NR4A3: variants seen among roughly 807,000 people sequenced by gnomAD.
NR4A3 encodes nuclear receptor subfamily 4 group A member 3.
A neutral mutation model predicts 55.6 loss-of-function variants in NR4A3; 13 were observed. The observed-to-expected ratio is 0.23, with a 90% confidence interval of 0.15 to 0.37. The LOEUF (loss-of-function observed/expected upper bound fraction) is 0.37. NR4A3 is among the 10% of genes least tolerant of loss of function. NR4A3 has a pLI of 1.00. For missense variants in NR4A3, 646 were observed against 822.8 expected (o/e 0.79, Z 2.63); for synonymous variants, 342 against 357.9 (o/e 0.96, Z 0.50).
At chr9:99,834,798 C>G (rs1040945629) in intron 5 of NR4A3, 1 of 985,246 alleles carries the variant, frequency 1.0e-6, no homozygotes, top group African/African-American at 1.7e-5. Flanking sequence ...CACCTGATAA[C>G]AAAACGTCAT....
intron 3 of NR4A3, among the ~76,000 whole-genome samples, chr9:99,829,550 C>T (rs1340986266): frequency 6.6e-6 from 1 of 152,188 alleles, no homozygotes; most frequent in East Asian, 1.9e-4. Context: ...TCAGCTGCCT[C>T]AGGACACACC....
chr9:99,830,895 A>G (rs535080316), intron 3 of NR4A3, among the ~76,000 whole-genome samples: 7 of 152,198 alleles, frequency 4.6e-5, no homozygotes, highest in Non-Finnish European at 7.3e-5. Flanking sequence ...GAGTCCAGAA[A>G]TGTCAATTAA....
intron 7 of NR4A3, among the ~76,000 whole-genome samples, chr9:99,855,103 G>A (rs1827907602): frequency 6.6e-6 from 1 of 150,672 alleles, no homozygotes; most frequent in Admixed American, 6.6e-5. Flanking sequence ...TTGTGAATGG[G>A]AGTTCACCCA....
At chr9:99,853,229 C>G (rs1827882822) in intron 7 of NR4A3, among the ~76,000 whole-genome samples, 1 of 151,936 alleles carries the variant, frequency 6.6e-6, no homozygotes, top group South Asian at 2.1e-4. Context: ...TTGTTTTACA[C>G]ACTTCCATGA....
chr9:99,835,498 C>T (rs1266171342), intron 5 of NR4A3, among the ~76,000 whole-genome samples: 1 of 152,174 alleles, frequency 6.6e-6, no homozygotes, highest in South Asian at 2.1e-4. Context: ...CCCAGAAGCA[C>T]CCTGGCCTCT....
Position 99,844,780 on chromosome 9 carries a change from C to T in NR4A3, c.1386C>T (p.Pro462=), listed in dbSNP as rs1192407404. ...AGATTCCGGGATTTACTGATCTCCC[C>T]AAAGAAGATCAGACATTACTTATTG... ...AEKIPGFTDL[P]KEDQTLLIES... The change falls in exon 6 of 8, where the codon CCC becomes CCT. Residue 462 remains proline, a synonymous_variant. Transcript: ENST00000395097. 6.2e-7 allele frequency: 1 copy of T among 1,613,854 alleles called. No homozygotes were observed. Among genetic ancestry groups the T allele is most frequent in the African/African-American group, 1.3e-5 (1 of 74,930 alleles).
intron 3 of NR4A3, among the ~76,000 whole-genome samples, chr9:99,831,430 A>C (rs77367186): frequency 1.3e-3 from 202 of 152,336 alleles, no homozygotes; most frequent in African/African-American, 4.7e-3. Context: ...TAGACTTGAC[A>C]TAGGTTGGCT....
At chr9:99,859,746 A>G (rs1034899037) in intron 7 of NR4A3, among the ~76,000 whole-genome samples, 3 of 152,194 alleles carry the variant, frequency 2.0e-5, no homozygotes, top group African/African-American at 7.2e-5. Context: ...AAGGTTCCAC[A>G]ATCAGCTCCC....
At chr9:99,850,483 G>A (rs1827828444) in intron 7 of NR4A3, among the ~76,000 whole-genome samples, 1 of 152,210 alleles carries the variant, frequency 6.6e-6, no homozygotes, top group South Asian at 2.1e-4. Flanking sequence ...GTAGAAATTA[G>A]TAGAAGGGTG....
chr9:99,827,534 A>G (rs1213665638), intron 2 of NR4A3, among the ~76,000 whole-genome samples: 1 of 151,230 alleles, frequency 6.6e-6, no homozygotes, highest in South Asian at 2.1e-4. Flanking sequence ...TAGAATGTCA[A>G]CTCTCTCCCT....
At chr9:99,843,082 G>T (rs1185958466) in intron 5 of NR4A3, among the ~76,000 whole-genome samples, 1 of 152,186 alleles carries the variant, frequency 6.6e-6, no homozygotes, top group Non-Finnish European at 1.5e-5. Context: ...GCTTGCAGCA[G>T]AAAAGTCTTT....
In NR4A3 at chr9:99,829,006, CGCCCCCTCCCCTCCGCACCCA is replaced by C; in HGVS notation, c.951+22_951+42del. The C allele has an allele frequency of 7.5e-7, 1 of 1,329,594 alleles. No individual in the cohort carries two copies. Among genetic ancestry groups the C allele is most frequent in the South Asian group, 2.0e-5 (1 of 50,588 alleles). The allele number at this position is 1,329,594 out of a possible 1,614,324, so 82.4% of individuals were successfully genotyped here. A position where few individuals can be genotyped will look rare whatever the true frequency, so the allele number is the denominator to read the frequency against. ...GGGCTTTTTCAAGGTGAGCGCACGC[CGCCCCCTCCCCTCCGCACCCA>C]GCCCCCTCACTGAAGGGAGCTTCTA... On this transcript the variant is annotated intron_variant, in intron 3 of 7. Coordinates refer to ENST00000395097, the MANE Select transcript of NR4A3 (RefSeq NM_006981.4).
intron 5 of NR4A3, among the ~76,000 whole-genome samples, chr9:99,838,073 T>C (rs975883118): frequency 6.6e-6 from 1 of 152,212 alleles, no homozygotes; most frequent in South Asian, 2.1e-4. Flanking sequence ...ATCAGTGCAG[T>C]CAAAACATGT....
chr9:99,828,329 A>C lies in NR4A3; in HGVS notation c.287A>C (p.His96Pro). 1 of 1,609,430 alleles carries C rather than the reference A, an allele frequency of 6.2e-7. No homozygotes were observed. The highest frequency in any genetic ancestry group is 2.2e-5 in the East Asian group (1 of 44,834). The change falls in exon 3 of 8, where the codon CAC (histidine) becomes CCC (proline). Residue 96 changes from histidine to proline, a missense_variant. By Grantham distance (77) the His-to-Pro change is moderately conservative. This residue lies in a region of NR4A3 where 426 missense variants were observed against 429.4 expected (regional missense o/e 0.99). Coordinates refer to ENST00000395097, the MANE Select transcript of NR4A3 (RefSeq NM_006981.4). The surrounding 1 kb of genome is among the most constrained non-coding windows in gnomAD (Gnocchi z 7.7). ...VEEGRAPSYH[H>P]HHHHHHHHHH... ...GAGGGGCGGGCGCCCAGCTACCATC[A>C]CCATCACCACCACCACCACCACCAC...
intron 7 of NR4A3, among the ~76,000 whole-genome samples, chr9:99,856,254 T>C (rs796261816): frequency 6.6e-6 from 1 of 151,398 alleles, no homozygotes; most frequent in African/African-American, 2.4e-5. Context: ...TAGTCCCATC[T>C]GGGGGTGATG....
In NR4A3 at chr9:99,863,630, G is replaced by T; in HGVS notation, c.1644G>T (p.Gly548=). The T allele has an allele frequency of 6.2e-7, 1 of 1,613,680 alleles. No individual in the cohort carries two copies. The highest frequency in any genetic ancestry group is 8.5e-7 in the Non-Finnish European group (1 of 1,179,860). ...SALSMITERH[G]LKEPKRVEEL... is the part of the protein sequence containing the mutation. ...TCTATCCCTCTGCAGAAAGACATGG[G>T]TTAAAAGAACCAAAGAGAGTCGAAG... Residue 548 remains glycine (G), a synonymous_variant, in exon 8 of 8, where the codon GGG becomes GGT. Transcript: ENST00000395097.
intron 5 of NR4A3, 162 bp downstream of exon 5, chr9:99,833,616 T>C: frequency 1.3e-6 from 2 of 1,598,406 alleles, no homozygotes; most frequent in Admixed American, 1.7e-5. Flanking sequence ...AGTGCATCCA[T>C]TGCAGCAAAT....
Position 99,828,906 on chromosome 9 carries a change from C to T in NR4A3, c.864C>T (p.Gly288=). ...CGCCCAGCAGGAGCTCGTCGTCTGG[C>T]GAGGGCACGTGTGCCGTGTGCGGGG... ...PSPPSRSSSS[G]EGTCAVCGDN... is the part of the protein sequence containing the mutation. The change falls in exon 3 of 8, where the codon GGC becomes GGT. Residue 288 remains glycine (G), a synonymous_variant. Transcript: ENST00000395097. This position sits in a 1 kb window ranked among gnomAD's most constrained non-coding sequence, Gnocchi z 7.7. The T allele has an allele frequency of 1.3e-6, 2 of 1,503,584 alleles. No homozygotes were observed. The highest frequency in any genetic ancestry group is 1.4e-5 in the African/African-American group (1 of 70,438). 93.1% of individuals were successfully genotyped at this position (1,503,584 alleles called of 1,614,324 possible).
chr9:99,832,605 C>G, intron 3 of NR4A3, 84 bp from the exon 4 acceptor site: 6 of 1,180,342 alleles, frequency 5.1e-6, no homozygotes, highest in Non-Finnish European at 1.1e-6. Flanking sequence ...TGTCGCTTTT[C>G]ACATTGTAAT....
Sources: gnomAD v4.1 joint callset for allele counts (sites outside exome capture counted in the v4.1 genomes callset) on GRCh38, gnomAD v4.1.1 for gene constraint, gnomAD v4.1.1 regional missense constraint, Gnocchi (gnomAD v3.1) non-coding constraint, MANE v1.5 for transcripts, NCBI Gene and HGNC (gene_info 2026-07-23, HGNC 2026-07-21) for gene names.